NID1: variants seen among roughly 807,000 people sequenced by gnomAD.
NID1 encodes nidogen-1.
NID1 carries 76 observed loss-of-function variants against 130.6 expected under a neutral mutation model. That is an observed-to-expected ratio of 0.58 (90% CI 0.48 to 0.70). The LOEUF (loss-of-function observed/expected upper bound fraction) is 0.70. Ranked by LOEUF, NID1 falls within the 30% of genes least tolerant of loss-of-function variation. NID1 has a pLI of 0.00. For missense variants in NID1, 1,517 were observed against 1,664.8 expected, an observed-to-expected ratio of 0.91 and a Z score of 1.54; for synonymous variants, 665 against 675.1, an observed-to-expected ratio of 0.98 and a Z score of 0.23.
intron 12 of NID1, among the ~76,000 whole-genome samples, chr1:236,010,390 C>T (rs2102814947): frequency 6.9e-6 from 1 of 144,546 alleles, no homozygotes. Flanking sequence ...CAGCCTTGAT[C>T]TCCCTGGCTC....
chr1:236,024,333 G>C (rs1426909466), intron 8 of NID1, 120 bp from the exon 9 acceptor site: 2 of 1,189,084 alleles, frequency 1.7e-6, no homozygotes, highest in Middle Eastern at 2.1e-4. Flanking sequence ...GAGCAGAGTG[G>C]AATGGGACAC....
chr1:236,022,401 T>C (rs1306736034), intron 9 of NID1, among the ~76,000 whole-genome samples: 1 of 149,458 alleles, frequency 6.7e-6, no homozygotes, highest in Non-Finnish European at 1.5e-5. Flanking sequence ...TGGAGTGGTG[T>C]GATCTTGGCT....
rs1307841507 is a variant in NID1 at position 236,045,625 on chromosome 1, A to G, written c.584T>C (p.Leu195Pro). 1.2e-6 allele frequency: 2 copies of G among 1,614,212 alleles called. No homozygotes were observed. Among genetic ancestry groups the G allele is most frequent in the Non-Finnish European group, 1.7e-6 (2 of 1,180,046 alleles). The change falls in exon 3 of 20, where the codon CTT becomes CCT. Residue 195 changes from leucine (L) to proline (P), a missense_variant. Leu to Pro is a moderately conservative substitution (Grantham distance 98). Around this residue, in one of 3 missense-constraint regions of NID1, gnomAD observed 1,329 missense variants for 1,429.2 expected, o/e 0.93. Transcript: ENST00000264187. ...GAACTGCAGACCATCCTCAGGATAA[A>G]GGAAAATGGCATAGGAGCTGGAATC... ...SSDSSSYAIF[L>P]YPEDGLQFHT...
intron 12 of NID1, among the ~76,000 whole-genome samples, chr1:236,006,359 T>G (rs1218893180): frequency 6.6e-6 from 1 of 152,086 alleles, no homozygotes; most frequent in African/African-American, 2.4e-5. Flanking sequence ...CAAGCAGACA[T>G]ACACTCCCGA....
Position 235,993,770 on chromosome 1 carries a change from T to G in NID1, c.2630A>C (p.Glu877Ala). 6.2e-7 allele frequency: 1 copy of G among 1,614,110 alleles called. No homozygotes were observed. The highest frequency in any genetic ancestry group is 1.3e-5 in the African/African-American group (1 of 75,080). ...CGCGTAGTGCCCGTGCGCATCGCAC[T>G]CAGGAACGAACAGCCCCGGAGGAAT... ...RPIPPGLFVP[E>A]CDAHGHYAPT... Residue 877 changes from glutamate (E) to alanine (A), a missense_variant, in exon 13 of 20, where the codon GAG (glutamate) becomes GCG (alanine). Physicochemically the swap from Glu to Ala is moderately radical, Grantham distance 107 (BLOSUM62 -1). This residue lies in a region of NID1 where 1,329 missense variants were observed against 1,429.2 expected (regional missense o/e 0.93). Coordinates refer to ENST00000264187, the MANE Select transcript of NID1 (RefSeq NM_002508.3).
rs771329126 is a variant in NID1 at position 236,029,644 on chromosome 1, G to C, written c.1644C>G (p.Ile548Met). Reference protein sequence around the residue: ...SGIDEHGHLTIDTELEGRVPQ... With the variant: ...SGIDEHGHLTMDTELEGRVPQ... ...GCACGCGGCCCTCCAGCTCCGTGTC[G>C]ATGGTCAGGTGCCCATGCTCATCGA... Residue 548 changes from isoleucine (I) to methionine (M), a missense_variant, in exon 7 of 20, where the codon ATC becomes ATG. This residue lies in a region of NID1 where 1,329 missense variants were observed against 1,429.2 expected (regional missense o/e 0.93). Transcript: ENST00000264187. 1 of 1,613,136 alleles carries C rather than the reference G, an allele frequency of 6.2e-7. No homozygotes were observed. Among genetic ancestry groups the C allele is most frequent in the African/African-American group, 1.3e-5 (1 of 74,946 alleles).
intron 1 of NID1, among the ~76,000 whole-genome samples, chr1:236,061,327 G>A (rs1660030351): frequency 6.6e-6 from 1 of 152,138 alleles, no homozygotes; most frequent in African/African-American, 2.4e-5. Context: ...AACTTCACAG[G>A]CATGATCTGG....
At chr1:235,994,373 G>C (rs991452158) in intron 12 of NID1, among the ~76,000 whole-genome samples, 1 of 152,138 alleles carries the variant, frequency 6.6e-6, no homozygotes, top group Non-Finnish European at 1.5e-5. Context: ...TGTCAGCCAG[G>C]CTGGTCTCGA....
chr1:236,052,755 C>T (rs994722148), intron 1 of NID1, among the ~76,000 whole-genome samples: 1 of 152,152 alleles, frequency 6.6e-6, no homozygotes, highest in Non-Finnish European at 1.5e-5. Flanking sequence ...CTAAACTGTC[C>T]GACTGTGAGT....
At chr1:236,024,840 C>T (rs1481884189) in intron 8 of NID1, among the ~76,000 whole-genome samples, 3 of 152,198 alleles carry the variant, frequency 2.0e-5, no homozygotes, top group African/African-American at 4.8e-5. Flanking sequence ...CAGCTGGGAA[C>T]GCCCACAGAC....
chr1:236,025,194 C>T (rs1218653286), intron 8 of NID1, among the ~76,000 whole-genome samples: 1 of 151,772 alleles, frequency 6.6e-6, no homozygotes, highest in Non-Finnish European at 1.5e-5. Context: ...TCAGGTGATC[C>T]GCCCTCTTTG....
At chr1:236,002,374 A>T (rs1658099263) in intron 12 of NID1, among the ~76,000 whole-genome samples, 1 of 152,164 alleles carries the variant, frequency 6.6e-6, no homozygotes, top group African/African-American at 2.4e-5. Context: ...GCAGTGGCAC[A>T]TGCCTGTAAT....
At chr1:235,978,451 C>T (rs1014975797) in intron 19 of NID1, among the ~76,000 whole-genome samples, 1 of 152,142 alleles carries the variant, frequency 6.6e-6, no homozygotes, top group African/African-American at 2.4e-5. Context: ...TGGACTTGCC[C>T]CTGTGAGCTG....
At position 236,063,802 on chromosome 1, in the gene NID1, A is replaced by G. The variant is rs1305207037; in HGVS notation, c.225+1053T>C. ...CCTCGTCTCTCTAAAAACTAAAATA[A>G]AAGCGTTATACTGAAAAGGGATCCA... On this transcript the variant is annotated intron_variant, in intron 1 of 19. Coordinates refer to ENST00000264187, the MANE Select transcript of NID1 (RefSeq NM_002508.3). Among the ~76,000 whole-genome samples, 3 of 152,200 alleles carry G rather than the reference A, an allele frequency of 2.0e-5. No homozygotes were observed. In the East Asian group the frequency reaches 5.8e-4, roughly 29 times the overall value.
At chr1:236,054,233 A>G (rs1659837222) in intron 1 of NID1, among the ~76,000 whole-genome samples, 1 of 152,214 alleles carries the variant, frequency 6.6e-6, no homozygotes, top group Non-Finnish European at 1.5e-5. Flanking sequence ...AGGCTGGCAG[A>G]TCACCTGTGG....
intron 17 of NID1, 84 bp from the exon 18 acceptor site, chr1:235,980,029 G>T: frequency 1.4e-6 from 2 of 1,456,416 alleles, no homozygotes; most frequent in Non-Finnish European, 1.9e-6. Flanking sequence ...ATGAGGGCAA[G>T]AGTGGGAGAA....
Position 236,045,611 on chromosome 1 carries a change from C to A in NID1, c.598G>T (p.Gly200Cys), listed in dbSNP as rs1309098028. 6.2e-6 allele frequency: 10 copies of A among 1,614,020 alleles called. No individual in the cohort carries two copies. The highest frequency in any genetic ancestry group is 8.5e-6 in the Non-Finnish European group (10 of 1,180,056). Residue 200 changes from glycine to cysteine, a missense_variant, in exon 3 of 20, where the codon GGT becomes TGT. Gly to Cys is a radical substitution (Grantham distance 159). Around this residue, in one of 3 missense-constraint regions of NID1, gnomAD observed 1,329 missense variants for 1,429.2 expected, o/e 0.93. Transcript: ENST00000264187. The part of the protein sequence containing the change: ...SYAIFLYPED[G>C]LQFHTTFSKK... ...GAGAATGTCGTATGGAACTGCAGAC[C>A]ATCCTCAGGATAAAGGAAAATGGCA...
At chr1:236,034,461 C>T (rs1659194208) in intron 5 of NID1, among the ~76,000 whole-genome samples, 2 of 149,760 alleles carry the variant, frequency 1.3e-5, no homozygotes, top group African/African-American at 5.0e-5. Flanking sequence ...AAGAAAAAGG[C>T]ATGAAATACT....
At chr1:236,022,371 C>T (rs1223062761) in intron 9 of NID1, among the ~76,000 whole-genome samples, 2 of 147,492 alleles carry the variant, frequency 1.4e-5, no homozygotes, top group Non-Finnish European at 3.0e-5. Flanking sequence ...CAGAGTCTCA[C>T]TCTGTCACCC....
Sources: allele counts gnomAD v4.1 joint callset (sites outside exome capture counted in the v4.1 genomes callset), GRCh38; gene constraint gnomAD v4.1.1; regional missense constraint gnomAD v4.1.1; transcripts MANE v1.5; gene names NCBI Gene and HGNC (gene_info 2026-07-23, HGNC 2026-07-21).